The following BCL9 variants were observed in gnomAD, a reference collection of about 807,000 sequenced individuals.
BCL9 encodes the protein B-cell CLL/lymphoma 9 protein.
Under a neutral mutation model 88.5 loss-of-function variants are expected in BCL9, and 25 were observed. The ratio of observed to expected loss-of-function variants is 0.28; its 90% CI spans 0.21 to 0.39. The LOEUF (loss-of-function observed/expected upper bound fraction) is 0.39, where lower values mean the gene tolerates loss of function less well. BCL9 is among the 10% of genes least tolerant of loss of function. BCL9 has a pLI of 1.00. For synonymous variants in BCL9, 711 were observed against 673.3 expected (o/e 1.06, Z -0.87); for missense variants, 1,817 against 1,877.8 (o/e 0.97, Z 0.60).
chr1:147,583,583 C>T (rs1318099525), intron 1 of BCL9, among the ~76,000 whole-genome samples: 1 of 151,902 alleles, frequency 6.6e-6, no homozygotes, highest in Admixed American at 6.6e-5. Flanking sequence ...CAGCCTAGAT[C>T]GTTTGCCTTT....
At chr1:147,579,459 G>A (rs1325262721) in intron 1 of BCL9, among the ~76,000 whole-genome samples, 2 of 152,132 alleles carry the variant, frequency 1.3e-5, no homozygotes, top group Non-Finnish European at 2.9e-5. Context: ...GAAAATGACT[G>A]CTGTTCTACC....
chr1:147,618,111 G>A (rs782129808), intron 7 of BCL9, among the ~76,000 whole-genome samples: 1 of 152,184 alleles, frequency 6.6e-6, no homozygotes, highest in African/African-American at 2.4e-5. Context: ...GATAGCCTCA[G>A]ATTTCTCCAC....
intron 1 of BCL9, among the ~76,000 whole-genome samples, chr1:147,596,139 T>C (rs587723482): frequency 2.8e-4 from 43 of 152,300 alleles, no homozygotes; most frequent in African/African-American, 1.0e-3. Flanking sequence ...TCTCATCGAA[T>C]GCCAAGGGCC....
At chr1:147,605,767 G>A (rs1256488823) in intron 2 of BCL9, among the ~76,000 whole-genome samples, 2 of 152,168 alleles carry the variant, frequency 1.3e-5, no homozygotes, top group South Asian at 4.1e-4. Context: ...GAATGAGCTA[G>A]GAATGGAATC....
intron 7 of BCL9, among the ~76,000 whole-genome samples, 158 bp from the exon 8 acceptor site, chr1:147,618,658 C>T (rs1658424994): frequency 6.6e-6 from 1 of 151,576 alleles, no homozygotes; most frequent in South Asian, 2.1e-4. Context: ...ATCAAAATGT[C>T]TCCATGCCCA....
At position 147,620,089 on chromosome 1, in the gene BCL9, C is replaced by A. The variant is rs782327998; in HGVS notation, c.1934C>A (p.Pro645Gln). 47 of 1,614,090 alleles carry A rather than the reference C, an allele frequency of 2.9e-5. No homozygotes were observed. The South Asian group carries it at 4.8e-4, about 17-fold the overall frequency. ...GCAGAGAAACAGCTGGGTCTCCCCCCAGGGATGGCCATGGAAGGCATCAGG... is the reference window on the plus strand; with the variant it reads ...GCAGAGAAACAGCTGGGTCTCCCCCAAGGGATGGCCATGGAAGGCATCAGG... ...QLAEKQLGLP[P>Q]GMAMEGIRPS... Residue 645 changes from proline (P) to glutamine (Q), a missense_variant, in exon 8 of 10, where the codon CCA (proline) becomes CAA (glutamine). Coordinates refer to ENST00000234739, the MANE Select transcript of BCL9 (RefSeq NM_004326.4).
intron 6 of BCL9, 136 bp downstream of exon 6, chr1:147,614,752 A>C: frequency 1.1e-6 from 1 of 943,962 alleles, no homozygotes; most frequent in East Asian, 3.0e-5. Flanking sequence ...CCCAACCCAA[A>C]CTCCCCCAGA....
intron 7 of BCL9, among the ~76,000 whole-genome samples, chr1:147,618,296 G>C (rs1340245977): frequency 2.0e-5 from 3 of 152,158 alleles, no homozygotes; most frequent in Non-Finnish European, 2.9e-5. Flanking sequence ...AAATGGAGCA[G>C]CTGCTTCCTC....
chr1:147,615,534 T>C (rs931628813), intron 6 of BCL9, among the ~76,000 whole-genome samples: 10 of 152,234 alleles, frequency 6.6e-5, no homozygotes, highest in South Asian at 4.1e-4. Context: ...CCACAGCGGA[T>C]TAGTTTCAGG....
chr1:147,599,163 A>T (rs1657191289), intron 1 of BCL9, among the ~76,000 whole-genome samples: 1 of 152,188 alleles, frequency 6.6e-6, no homozygotes, highest in African/African-American at 2.4e-5. Context: ...ATGTGAAAGG[A>T]GACCCCTGCA....
intron 1 of BCL9, among the ~76,000 whole-genome samples, chr1:147,578,163 C>T (rs1553198266): frequency 6.6e-6 from 1 of 152,142 alleles, no homozygotes; most frequent in African/African-American, 2.4e-5. Flanking sequence ...TGACTGACTT[C>T]AATTATTCCC....
intron 1 of BCL9, among the ~76,000 whole-genome samples, chr1:147,546,919 G>A (rs782241681): frequency 1.2e-4 from 18 of 152,136 alleles, no homozygotes; most frequent in Non-Finnish European, 2.6e-4. Context: ...ATGTTTTTCT[G>A]TATAAGTATG....
rs782707705 is a variant in BCL9 at position 147,620,548 on chromosome 1, G to T, written c.2393G>T (p.Arg798Leu). ...GGTCCAGGCAGCAACAGTGGCTTGC[G>T]GAATCTCAGAGAACCAATTGGGCCC... ...SQGPGSNSGL[R>L]NLREPIGPDQ... Residue 798 changes from arginine to leucine, a missense_variant, in exon 8 of 10, where the codon CGG (arginine) becomes CTG (leucine). Around this residue, in one of 2 missense-constraint regions of BCL9, gnomAD observed 1,228 missense variants for 1,191.6 expected, o/e 1.03. Coordinates refer to ENST00000234739, the MANE Select transcript of BCL9 (RefSeq NM_004326.4). 1 of 1,613,080 alleles carries T rather than the reference G, an allele frequency of 6.2e-7. No individual in the cohort carries two copies. Among genetic ancestry groups the T allele is most frequent in the East Asian group, 2.2e-5 (1 of 44,790 alleles).
At chr1:147,582,565 T>C (rs1553198765) in intron 1 of BCL9, among the ~76,000 whole-genome samples, 1 of 152,226 alleles carries the variant, frequency 6.6e-6, no homozygotes, top group East Asian at 1.9e-4. Flanking sequence ...GAATCTGTCC[T>C]GTGGCTTGTT....
At chr1:147,623,195 CTAAT>C (rs1159646033) in intron 9 of BCL9, among the ~76,000 whole-genome samples, 1 of 152,026 alleles carries the variant, frequency 6.6e-6, no homozygotes, top group Non-Finnish European at 1.5e-5. Flanking sequence ...ATCAGTAACT[CTAAT>C]TAACTGGGTT....
Position 147,626,085 on chromosome 1 carries a change from A to T in BCL9, c.*1126A>T. On this transcript the variant is annotated 3_prime_UTR_variant, in exon 10 of 10. Transcript: ENST00000234739. ...AGGATTTTGTTTCTGTTTGTTTTAA[A>T]TTTTGTGGTTCCTTCCCTTTCCTCC... The T allele has an allele frequency of 4.5e-6, 1 of 220,726 alleles. No homozygotes were observed. The highest frequency in any genetic ancestry group is 9.1e-6 in the Non-Finnish European group (1 of 109,884). The allele number at this position is 220,726 out of a possible 1,614,324, so 13.7% of individuals were successfully genotyped here.
intron 1 of BCL9, among the ~76,000 whole-genome samples, chr1:147,557,992 C>T (rs182473179): frequency 2.6e-5 from 4 of 152,082 alleles, no homozygotes; most frequent in African/African-American, 9.6e-5. Context: ...TTTGTAAGAC[C>T]CACATTACTT....
At chr1:147,543,265 T>C (rs1654414144) in intron 1 of BCL9, among the ~76,000 whole-genome samples, 1 of 152,240 alleles carries the variant, frequency 6.6e-6, no homozygotes, top group African/African-American at 2.4e-5. Context: ...TCTTACCTAA[T>C]TCTAGGTTTT....
intron 1 of BCL9, among the ~76,000 whole-genome samples, chr1:147,591,478 G>A (rs1271470976): frequency 1.3e-5 from 2 of 152,124 alleles, no homozygotes; most frequent in Non-Finnish European, 1.5e-5. Context: ...CTCCTCAACT[G>A]CAAAACAGTT....
Sources: allele counts gnomAD v4.1 joint callset (sites outside exome capture counted in the v4.1 genomes callset), GRCh38; gene constraint gnomAD v4.1.1; regional missense constraint gnomAD v4.1.1; transcripts MANE v1.5; gene names NCBI Gene and HGNC (gene_info 2026-07-23, HGNC 2026-07-21).